The following RAB35 variants were observed in gnomAD, a reference collection of about 807,000 sequenced individuals.
RAB35 encodes the protein RAB35, member RAS oncogene family.
Under a neutral mutation model 28.9 loss-of-function variants are expected in RAB35, and 4 were observed. That is an observed-to-expected ratio of 0.14 (90% CI 0.07 to 0.32). The LOEUF is 0.32. Ranked by LOEUF, RAB35 falls within the 10% of genes least tolerant of loss-of-function variation. The pLI, the probability that RAB35 is intolerant of heterozygous loss-of-function variation, is 1.00. For synonymous variants in RAB35, 99 were observed against 105.1 expected (o/e 0.94, Z 0.35); for missense variants, 128 against 274.0 (o/e 0.47, Z 3.76).
intron 1 of RAB35, among the ~76,000 whole-genome samples, chr12:120,113,858 G>C (rs947059485): frequency 6.6e-6 from 1 of 151,862 alleles, no homozygotes; most frequent in Non-Finnish European, 1.5e-5. Flanking sequence ...TAGAACCTCC[G>C]GCATAACGAA....
intron 3 of RAB35, among the ~76,000 whole-genome samples, chr12:120,101,366 G>T (rs1455866535): frequency 6.6e-6 from 1 of 152,200 alleles, no homozygotes; most frequent in African/African-American, 2.4e-5. Flanking sequence ...CAACGCCAGG[G>T]CCTTGCCTTC....
At chr12:120,102,023 G>A (rs903405847) in intron 3 of RAB35, among the ~76,000 whole-genome samples, 2 of 152,120 alleles carry the variant, frequency 1.3e-5, no homozygotes, top group Admixed American at 1.3e-4. Flanking sequence ...CTGAACCTCT[G>A]CCACCCTGAA....
At position 120,107,914 on chromosome 12, in the gene RAB35, A is replaced by G. The variant is rs7307130; in HGVS notation, c.103+503T>C. On this transcript the variant is annotated intron_variant, in intron 2 of 5. Transcript: ENST00000229340. ...AAAGAATAAATATCGCCTATATCCCAAGTAGCTAAGCATCGCTGAAAACAC... is the reference window on the plus strand; with the variant it reads ...AAAGAATAAATATCGCCTATATCCCGAGTAGCTAAGCATCGCTGAAAACAC... Among the ~76,000 whole-genome samples the G allele has an allele frequency of 4.1e-3, 615 of 151,322 alleles. 3 individuals carry two copies. The highest frequency in any genetic ancestry group is 0.013 in the African/African-American group (534 of 41,252).
At chr12:120,110,251 T>C (rs1876058746) in intron 1 of RAB35, among the ~76,000 whole-genome samples, 2 of 147,316 alleles carry the variant, frequency 1.4e-5, no homozygotes, top group Admixed American at 1.4e-4. Flanking sequence ...AAAGTGCAGA[T>C]TTGAGCCTAG....
In RAB35 at chr12:120,096,402, T is replaced by C; in HGVS notation, c.*843A>G. The C allele has an allele frequency of 7.9e-7, 1 of 1,260,708 alleles. No individual in the cohort carries two copies. Among genetic ancestry groups the C allele is most frequent in the Non-Finnish European group, 1.0e-6 (1 of 972,102 alleles). 78.1% of individuals were successfully genotyped at this position (1,260,708 alleles called of 1,614,324 possible). A position where few individuals can be genotyped will look rare whatever the true frequency, so the allele number is the denominator to read the frequency against. ...ATTTAATTCACTTGATTTGGCTTCATTTTCTTGATCTGTTAAAATAATCCT... is the reference window on the plus strand; with the variant it reads ...ATTTAATTCACTTGATTTGGCTTCACTTTCTTGATCTGTTAAAATAATCCT... On this transcript the variant is annotated 3_prime_UTR_variant, in exon 6 of 6. Transcript: ENST00000229340.
At chr12:120,106,556 C>G (rs549352694) in intron 2 of RAB35, among the ~76,000 whole-genome samples, 1 of 151,956 alleles carries the variant, frequency 6.6e-6, no homozygotes, top group South Asian at 2.1e-4. Flanking sequence ...CACTTCTCCA[C>G]CAAGAGACAT....
At chr12:120,100,018 G>A (rs1875597989) in intron 3 of RAB35, among the ~76,000 whole-genome samples, 1 of 152,234 alleles carries the variant, frequency 6.6e-6, no homozygotes, top group African/African-American at 2.4e-5. Context: ...CTCCACCCCA[G>A]GGCTCCTCAG....
rs892271825 is a variant in RAB35 at position 120,103,690 on chromosome 12, C to A, written c.227+136G>T. On this transcript the variant is annotated intron_variant, in intron 3 of 5. Transcript: ENST00000229340. The surrounding 1 kb of genome is among the most constrained non-coding windows in gnomAD (Gnocchi z 6.1). ...GGGTGCAGCCAAACGCCACCTACTA[C>A]AGCCAACAACAGGCTCACTTCCCGA... is the stretch of plus-strand genomic sequence containing the variant. 21 of 1,314,890 alleles carry A rather than the reference C, an allele frequency of 1.6e-5. 1 individual carries two copies. Among genetic ancestry groups the A allele is most frequent in the Admixed American group, 7.9e-5 (4 of 50,364 alleles). The allele number at this position is 1,314,890 out of a possible 1,614,324, so 81.5% of individuals were successfully genotyped here. A position where few individuals can be genotyped will look rare whatever the true frequency, so the allele number is the denominator to read the frequency against.
intron 5 of RAB35, among the ~76,000 whole-genome samples, chr12:120,098,369 C>T (rs576803889): frequency 1.3e-5 from 2 of 152,376 alleles, no homozygotes; most frequent in South Asian, 4.1e-4. Flanking sequence ...GGACACCAGC[C>T]TGACTTACAA....
intron 2 of RAB35, among the ~76,000 whole-genome samples, chr12:120,107,041 T>G (rs928293318): frequency 6.6e-6 from 1 of 151,996 alleles, no homozygotes; most frequent in African/African-American, 2.4e-5. Context: ...CAGGCTGGAG[T>G]GCAGTGGTGC....
intron 1 of RAB35, among the ~76,000 whole-genome samples, chr12:120,109,058 G>GCAGCCCACATGTGCTCAGACCATGCAC (rs1876007780): frequency 6.6e-6 from 1 of 152,252 alleles, no homozygotes; most frequent in Non-Finnish European, 1.5e-5. Flanking sequence ...CATCAGGGCA[G>GCAGCCCACATGTGCTCAGACCATGCAC]CAGCCCACAT....
intron 1 of RAB35, among the ~76,000 whole-genome samples, chr12:120,111,239 C>T (rs1876105634): frequency 6.6e-6 from 1 of 152,240 alleles, no homozygotes; most frequent in Non-Finnish European, 1.5e-5. Context: ...CAAACTTCTG[C>T]AGGGCAGCAG....
intron 3 of RAB35, among the ~76,000 whole-genome samples, chr12:120,100,626 A>C (rs1594238273): frequency 6.6e-6 from 1 of 151,836 alleles, no homozygotes; most frequent in Non-Finnish European, 1.5e-5. Flanking sequence ...ACAAAGCCCA[A>C]CCTGCCCCTG....
chr12:120,096,753 G>A lies in RAB35; in HGVS notation c.*492C>T, dbSNP rs900856040. 7.8e-7 allele frequency: 1 copy of A among 1,290,028 alleles called. No homozygotes were observed. The highest frequency in any genetic ancestry group is 1.5e-5 in the African/African-American group (1 of 65,916). The allele number at this position is 1,290,028 out of a possible 1,614,324, so 79.9% of individuals were successfully genotyped here. On this transcript the variant is annotated 3_prime_UTR_variant, in exon 6 of 6. Coordinates refer to ENST00000229340, the MANE Select transcript of RAB35 (RefSeq NM_006861.7). ...GGACAGAGGCTGACAACCTGTCGGA[G>A]AGAATGAGCAACGCGGAGCCCACTC...
Position 120,116,696 on chromosome 12 carries a change from C to T in RAB35, c.-46G>A, listed in dbSNP as rs914921525. 40 of 1,221,002 alleles carry T rather than the reference C, an allele frequency of 3.3e-5. No homozygotes were observed. The highest frequency in any genetic ancestry group is 6.3e-4 in the Middle Eastern group (2 of 3,184). The allele number at this position is 1,221,002 out of a possible 1,614,324, so 75.6% of individuals were successfully genotyped here. On this transcript the variant is annotated 5_prime_UTR_variant, in exon 1 of 6. Coordinates refer to ENST00000229340, the MANE Select transcript of RAB35 (RefSeq NM_006861.7). ...GCGGGCGGGCGGGGTCGGTACTGGC[C>T]TCGCGATCCGCAGCTCCCTTCGGGC...
rs1876035546 is a variant in RAB35 at position 120,109,678 on chromosome 12, AT to A, written c.53-1212del. ...CAGGCTTTTTTTTTTTTTTTTTTTA[AT>A]CTTTTGTAGAGACGAGGTCTTGCTA... On this transcript the variant is annotated intron_variant, in intron 1 of 5. Coordinates refer to ENST00000229340, the MANE Select transcript of RAB35 (RefSeq NM_006861.7). 2.5e-5 allele frequency among the ~76,000 whole-genome samples: 3 copies of A among 119,586 alleles called. No homozygotes were observed. The East Asian group carries it at 7.3e-4, about 29-fold the overall frequency. 78.5% of individuals were successfully genotyped at this position (119,586 alleles called of 152,430 possible). A position where few individuals can be genotyped will look rare whatever the true frequency, so the allele number is the denominator to read the frequency against.
chr12:120,106,314 G>T (rs1282762756), intron 2 of RAB35, among the ~76,000 whole-genome samples: 6 of 152,170 alleles, frequency 3.9e-5, no homozygotes, highest in Non-Finnish European at 8.8e-5. Flanking sequence ...CAAATAGCTG[G>T]TATTTATTGA....
chr12:120,111,538 G>A (rs903196207), intron 1 of RAB35, among the ~76,000 whole-genome samples: 2 of 152,056 alleles, frequency 1.3e-5, no homozygotes, highest in African/African-American at 2.4e-5. Flanking sequence ...AAAATTAGCC[G>A]GGCGTGGTGG....
In RAB35 at chr12:120,096,503, G is replaced by T; in HGVS notation, c.*742C>A. Reference sequence around the variant, plus strand: ...TCTGTTGGAACTGAAACCTGTTGGTGTAAATGAGAAGCCATGGCTGCCCTG... The same window carrying T: ...TCTGTTGGAACTGAAACCTGTTGGTTTAAATGAGAAGCCATGGCTGCCCTG... On this transcript the variant is annotated 3_prime_UTR_variant, in exon 6 of 6. Transcript: ENST00000229340. 1 of 1,289,792 alleles carries T rather than the reference G, an allele frequency of 7.8e-7. No individual in the cohort carries two copies. Among genetic ancestry groups the T allele is most frequent in the Non-Finnish European group, 1.0e-6 (1 of 988,898 alleles). The allele number at this position is 1,289,792 out of a possible 1,614,324, so 79.9% of individuals were successfully genotyped here.
Sources: allele counts gnomAD v4.1 joint callset (sites outside exome capture counted in the v4.1 genomes callset), GRCh38; gene constraint gnomAD v4.1.1; non-coding constraint Gnocchi (gnomAD v3.1); transcripts MANE v1.5; gene names NCBI Gene and HGNC (gene_info 2026-07-23, HGNC 2026-07-21).